The following MGAT5 variants were observed in gnomAD, a reference collection of about 807,000 sequenced individuals.
MGAT5 encodes the protein alpha-1,6-mannosylglycoprotein 6-beta-N-acetylglucosaminyltransferase.
MGAT5 carries 30 observed loss-of-function variants against 94.3 expected under a neutral mutation model. The ratio of observed to expected loss-of-function variants is 0.32; its 90% CI spans 0.24 to 0.43. MGAT5 has a LOEUF of 0.43. MGAT5 is among the 20% of genes least tolerant of loss of function. The probability of loss-of-function intolerance (pLI) is 1.00; values close to 1 mark genes in which losing one functional copy is unlikely to be tolerated. For missense variants in MGAT5, 691 were observed against 905.5 expected (o/e 0.76, Z 3.04); for synonymous variants, 310 against 322.9 (o/e 0.96, Z 0.43).
chr2:134,354,204 A>C (rs775371721), intron 9 of MGAT5, among the ~76,000 whole-genome samples: 2 of 152,210 alleles, frequency 1.3e-5, no homozygotes, highest in African/African-American at 4.8e-5. Flanking sequence ...ATTTCTGTAT[A>C]AATATGCACA....
chr2:134,158,614 G>T (rs899660396), intron 1 of MGAT5, among the ~76,000 whole-genome samples: 5 of 152,138 alleles, frequency 3.3e-5, no homozygotes, highest in South Asian at 2.1e-4. Context: ...TGGCTGGGTG[G>T]CTGCAGCTGC....
chr2:134,138,260 C>T (rs746239153), intron 1 of MGAT5, among the ~76,000 whole-genome samples: 3 of 151,478 alleles, frequency 2.0e-5, no homozygotes, highest in East Asian at 1.9e-4. Context: ...CAAATTTACT[C>T]GCTAAGAGTT....
intron 1 of MGAT5, among the ~76,000 whole-genome samples, chr2:134,248,359 G>C (rs1468671769): frequency 6.6e-6 from 1 of 152,194 alleles, no homozygotes; most frequent in Non-Finnish European, 1.5e-5. Context: ...AGATGAAACG[G>C]GATTGTCCTA....
intron 1 of MGAT5, among the ~76,000 whole-genome samples, chr2:134,123,274 C>CT (rs1255977006): frequency 6.6e-6 from 1 of 152,212 alleles, no homozygotes; most frequent in Non-Finnish European, 1.5e-5. Context: ...AGTTGTCACT[C>CT]TGACATTTGA....
intron 1 of MGAT5, among the ~76,000 whole-genome samples, chr2:134,166,853 T>C (rs1687984806): frequency 6.6e-6 from 1 of 152,140 alleles, no homozygotes; most frequent in East Asian, 1.9e-4. Flanking sequence ...AAATCAACTG[T>C]TTTTTTTCTT....
chr2:134,192,619 A>G (rs977289460), intron 1 of MGAT5, among the ~76,000 whole-genome samples: 3 of 152,246 alleles, frequency 2.0e-5, no homozygotes, highest in Non-Finnish European at 4.4e-5. Context: ...GAGGTATGAT[A>G]TACAAATGTA....
At chr2:134,394,385 A>G (rs1468335683) in intron 10 of MGAT5, among the ~76,000 whole-genome samples, 1 of 152,230 alleles carries the variant, frequency 6.6e-6, no homozygotes, top group Non-Finnish European at 1.5e-5. Context: ...TCAACTGAGT[A>G]AAGATCAATT....
chr2:134,239,799 C>T (rs193131643), intron 1 of MGAT5, among the ~76,000 whole-genome samples: 6 of 151,606 alleles, frequency 4.0e-5, no homozygotes, highest in African/African-American at 1.2e-4. Flanking sequence ...AGGAGTAAAA[C>T]GTAATACAAG....
intron 10 of MGAT5, among the ~76,000 whole-genome samples, chr2:134,364,316 A>G (rs1431565112): frequency 7.9e-5 from 12 of 152,302 alleles, no homozygotes; most frequent in African/African-American, 2.9e-4. Flanking sequence ...CCTGACTAAC[A>G]TGGTGAAACC....
intron 1 of MGAT5, among the ~76,000 whole-genome samples, chr2:134,128,292 G>A (rs74428210): frequency 0.023 from 3,456 of 152,186 alleles, 52 homozygotes; most frequent in Middle Eastern, 0.034. Context: ...AGAAGAAAGA[G>A]GGAGTGATCA....
intron 10 of MGAT5, among the ~76,000 whole-genome samples, chr2:134,387,332 A>ATATATCTATTTT: frequency 4.1e-5 from 1 of 24,274 alleles, no homozygotes; most frequent in Non-Finnish European, 6.4e-5. Context: ...ATATATATAT[A>ATATATCTATTTT]TTTTTTTTTT....
chr2:134,226,676 C>T (rs1681081027), intron 1 of MGAT5, among the ~76,000 whole-genome samples: 3 of 152,100 alleles, frequency 2.0e-5, no homozygotes, highest in Admixed American at 1.3e-4. Flanking sequence ...AGAGTTCATG[C>T]AGTCATTTAC....
chr2:134,220,280 G>A (rs1197054615), intron 1 of MGAT5, among the ~76,000 whole-genome samples: 3 of 152,144 alleles, frequency 2.0e-5, no homozygotes, highest in Non-Finnish European at 2.9e-5. Context: ...TCAGAGTAGT[G>A]TCCTTGGGCA....
At chr2:134,244,340 T>C (rs1366778920) in intron 1 of MGAT5, among the ~76,000 whole-genome samples, 1 of 151,904 alleles carries the variant, frequency 6.6e-6, no homozygotes, top group African/African-American at 2.4e-5. Context: ...TGAAGCATCA[T>C]CCAGATTTGG....
At chr2:134,303,713 G>A (rs899812868) in intron 2 of MGAT5, among the ~76,000 whole-genome samples, 19 of 152,244 alleles carry the variant, frequency 1.2e-4, no homozygotes, top group Non-Finnish European at 2.9e-5. Flanking sequence ...TTTTAGGGTC[G>A]CTCAAGAAGT....
At chr2:134,207,413 G>A (rs776895730) in intron 1 of MGAT5, among the ~76,000 whole-genome samples, 2 of 152,106 alleles carry the variant, frequency 1.3e-5, no homozygotes, top group Non-Finnish European at 2.9e-5. Flanking sequence ...AAGGTGAATA[G>A]TTAGGTCTTT....
chr2:134,368,283 C>A (rs1050306191), intron 10 of MGAT5, among the ~76,000 whole-genome samples: 1 of 152,192 alleles, frequency 6.6e-6, no homozygotes, highest in Non-Finnish European at 1.5e-5. Flanking sequence ...GGCTGCCCAC[C>A]GCAGGATCGC....
At chr2:134,339,170 G>A (rs111493034) in intron 6 of MGAT5, among the ~76,000 whole-genome samples, 40 of 152,266 alleles carry the variant, frequency 2.6e-4, no homozygotes, top group African/African-American at 9.4e-4. Flanking sequence ...GGTCAGTTTT[G>A]CCTAGATCTC....
At chr2:134,283,458 C>T (rs559002812) in intron 2 of MGAT5, among the ~76,000 whole-genome samples, 26 of 152,174 alleles carry the variant, frequency 1.7e-4, no homozygotes, top group African/African-American at 6.3e-4. Context: ...AAATGGGGAG[C>T]AGGTTCTAGT....
Sources: gnomAD v4.1 joint callset for allele counts (sites outside exome capture counted in the v4.1 genomes callset) on GRCh38, gnomAD v4.1.1 for gene constraint, MANE v1.5 for transcripts, NCBI Gene and HGNC (gene_info 2026-07-23, HGNC 2026-07-21) for gene names.